The following RBPJ variants were observed in gnomAD, a reference collection of about 807,000 sequenced individuals.
RBPJ encodes the protein recombination signal binding protein for immunoglobulin kappa J region.
In RBPJ, 9 loss-of-function variants were observed where a neutral mutation model predicts 67.8. That is an observed-to-expected ratio of 0.13 (90% CI 0.08 to 0.23). RBPJ has a LOEUF of 0.23. RBPJ is among the 10% of genes least tolerant of loss of function. The pLI is 1.00. For synonymous variants in RBPJ, 198 were observed against 203.3 expected, an observed-to-expected ratio of 0.97 and a Z score of 0.22; for missense variants, 305 against 595.6, an observed-to-expected ratio of 0.51 and a Z score of 5.08.
intron 1 of RBPJ, among the ~76,000 whole-genome samples, chr4:26,355,948 C>G (rs1727331483): frequency 6.6e-6 from 1 of 152,154 alleles, no homozygotes; most frequent in African/African-American, 2.4e-5. Context: ...AACTTTTTAA[C>G]TATGTTAGAG....
intron 2 of RBPJ, among the ~76,000 whole-genome samples, chr4:26,396,960 G>T (rs1195357117): frequency 6.6e-6 from 1 of 152,162 alleles, no homozygotes; most frequent in African/African-American, 2.4e-5. Flanking sequence ...ACTATTGATA[G>T]TATCCCTAGA....
chr4:26,393,102 T>G (rs545936267), intron 2 of RBPJ, among the ~76,000 whole-genome samples: 4 of 151,722 alleles, frequency 2.6e-5, no homozygotes, highest in Non-Finnish European at 4.4e-5. Flanking sequence ...CTGCCTTGGC[T>G]TCCCAAGGTG....
chr4:26,401,156 CTTACT>C (rs1732752377), intron 2 of RBPJ, among the ~76,000 whole-genome samples: 1 of 152,238 alleles, frequency 6.6e-6, no homozygotes, highest in Non-Finnish European at 1.5e-5. Flanking sequence ...GTGGGACTAA[CTTACT>C]TTAAAGTGTC....
intron 1 of RBPJ, among the ~76,000 whole-genome samples, chr4:26,255,268 G>A (rs1208472517): frequency 2.9e-5 from 4 of 139,054 alleles, no homozygotes; most frequent in African/African-American, 1.2e-4. Flanking sequence ...GCCGGGCGTG[G>A]TGGCGGGCGC....
At chr4:26,115,114 C>T in the RBPJ span, among the ~76,000 whole-genome samples, 2 of 152,158 alleles carry the variant, frequency 1.3e-5, no homozygotes, top group African/African-American at 4.8e-5. Flanking sequence ...CCATCAAAAT[C>T]GGCAAACTAT....
chr4:26,375,656 A>G (rs1388637655), intron 1 of RBPJ, among the ~76,000 whole-genome samples: 1 of 152,208 alleles, frequency 6.6e-6, no homozygotes, highest in Non-Finnish European at 1.5e-5. Context: ...GGAAGAAAAA[A>G]CTGTGTGACG....
At chr4:26,370,681 A>G (rs1192118019) in intron 1 of RBPJ, among the ~76,000 whole-genome samples, 2 of 152,186 alleles carry the variant, frequency 1.3e-5, no homozygotes, top group African/African-American at 4.8e-5. Flanking sequence ...ACAGTAAGCT[A>G]TAGTGTTGTA....
chr4:26,426,259 A>G (rs1032406803), intron 7 of RBPJ, among the ~76,000 whole-genome samples: 1 of 152,192 alleles, frequency 6.6e-6, no homozygotes, highest in Non-Finnish European at 1.5e-5. Flanking sequence ...CAGAAGCACA[A>G]CTTAGGAGGA....
At chr4:26,159,243 C>T (rs75319307), upstream of RBPJ, among the ~76,000 whole-genome samples, 3 of 152,246 alleles carry the variant, frequency 2.0e-5, no homozygotes, top group South Asian at 6.2e-4. Context: ...TCTCATTTTA[C>T]ATCTGAGGAA....
At chr4:26,325,414 G>A (rs1723519317) in intron 1 of RBPJ, among the ~76,000 whole-genome samples, 1 of 152,148 alleles carries the variant, frequency 6.6e-6, no homozygotes, top group Admixed American at 6.5e-5. Flanking sequence ...ATTAAGAGAG[G>A]CAACAGAGTG....
rs944699268 is a variant in RBPJ, at chr4:26,424,099, A to C, written c.497-243A>C. ...TAATAATCAGCACCACATTAAACATACTGTGTAGCTTTCACTTTAAAATTA... is the reference window on the plus strand; with the variant it reads ...TAATAATCAGCACCACATTAAACATCCTGTGTAGCTTTCACTTTAAAATTA... On this transcript the variant is annotated intron_variant, in intron 5 of 10. Coordinates refer to ENST00000355476, the MANE Select transcript of RBPJ (RefSeq NM_015874.6). This position sits in a 1 kb window ranked among gnomAD's most constrained non-coding sequence, Gnocchi z 5.3. Among the ~76,000 whole-genome samples, 1 of 152,248 alleles carries C rather than the reference A, an allele frequency of 6.6e-6. No individual in the cohort carries two copies. The highest frequency in any genetic ancestry group is 1.5e-5 in the Non-Finnish European group (1 of 68,044).
chr4:26,124,459 T>C, the RBPJ span, among the ~76,000 whole-genome samples: 29 of 118,998 alleles, frequency 2.4e-4, no homozygotes, highest in African/African-American at 7.4e-4. Flanking sequence ...TATATATATA[T>C]ATACCAGTTT....
intron 1 of RBPJ, among the ~76,000 whole-genome samples, chr4:26,246,201 A>G (rs1315822249): frequency 6.6e-6 from 1 of 152,204 alleles, no homozygotes; most frequent in Non-Finnish European, 1.5e-5. Flanking sequence ...TGAACATGGG[A>G]TGTCTTTCCA....
At chr4:26,358,608 T>C (rs970100351) in intron 1 of RBPJ, among the ~76,000 whole-genome samples, 2 of 101,804 alleles carry the variant, frequency 2.0e-5, no homozygotes, top group African/African-American at 4.6e-5. Flanking sequence ...ACCCCATCTC[T>C]GCAAAAAAAA....
chr4:26,408,616 T>C (rs546592019), intron 3 of RBPJ, among the ~76,000 whole-genome samples: 4 of 152,174 alleles, frequency 2.6e-5, no homozygotes, highest in Non-Finnish European at 4.4e-5. Flanking sequence ...CCAGACATGA[T>C]TCCCAAAGTG....
chr4:26,365,717 C>T lies in RBPJ; in HGVS notation c.21-20636C>T, dbSNP rs945884406. Among the ~76,000 whole-genome samples, 3 of 152,160 alleles carry T rather than the reference C, an allele frequency of 2.0e-5. No individual in the cohort carries two copies. The East Asian group carries it at 5.8e-4, about 29-fold the overall frequency. Reference sequence around the variant, plus strand: ...TTGCCTTCTGAGAGGAAGTGACCAGCATAAGTTTCAGTATGCTTTCTAATG... The same window carrying T: ...TTGCCTTCTGAGAGGAAGTGACCAGTATAAGTTTCAGTATGCTTTCTAATG... On this transcript the variant is annotated intron_variant, in intron 1 of 10. Transcript: ENST00000355476.
chr4:26,252,862 A>G (rs1720159278), intron 1 of RBPJ, among the ~76,000 whole-genome samples: 1 of 152,234 alleles, frequency 6.6e-6, no homozygotes, highest in Non-Finnish European at 1.5e-5. Flanking sequence ...TAAATGATTC[A>G]TAAAAATGGG....
In RBPJ at chr4:26,327,480, A is replaced by G. The variant is rs548159302; in HGVS notation, c.20+6432A>G. ...CATTCTGAGTTGCAAAAGCCTTGCA[A>G]TGAAAACTGCATCTATTTGATGTGA... On this transcript the variant is annotated intron_variant, in intron 1 of 10. Coordinates refer to ENST00000355476, the MANE Select transcript of RBPJ (RefSeq NM_015874.6). 7.2e-5 allele frequency among the ~76,000 whole-genome samples: 11 copies of G among 152,070 alleles called. 1 individual carries two copies. The highest frequency in any genetic ancestry group is 2.4e-4 in the African/African-American group (10 of 41,510).
chr4:26,394,066 G>A (rs1390939294), intron 2 of RBPJ, among the ~76,000 whole-genome samples: 1 of 135,806 alleles, frequency 7.4e-6, no homozygotes, highest in African/African-American at 2.8e-5. Flanking sequence ...TCACTCTGTT[G>A]CCCAGGCTGG....
Sources: gnomAD v4.1 joint callset for allele counts (sites outside exome capture counted in the v4.1 genomes callset) on GRCh38, gnomAD v4.1.1 for gene constraint, Gnocchi (gnomAD v3.1) non-coding constraint, MANE v1.5 for transcripts, NCBI Gene and HGNC (gene_info 2026-07-23, HGNC 2026-07-21) for gene names.